The following KIF21A variants were observed in gnomAD, a reference collection of about 807,000 sequenced individuals.
The protein encoded by KIF21A is kinesin-like protein KIF21A.
KIF21A carries 114 observed loss-of-function variants against 202.9 expected under a neutral mutation model. That is an observed-to-expected ratio of 0.56 (90% CI 0.48 to 0.66). The LOEUF is 0.66. KIF21A is among the 30% of genes least tolerant of loss of function. The pLI, the probability that KIF21A is intolerant of heterozygous loss-of-function variation, is 0.00. For missense variants in KIF21A, 1,677 were observed against 1,994.9 expected (o/e 0.84, Z 3.04); for synonymous variants, 667 against 670.8 (o/e 0.99, Z 0.09).
chr12:39,383,963 G>A (rs1186869983), intron 1 of KIF21A, among the ~76,000 whole-genome samples: 3 of 152,154 alleles, frequency 2.0e-5, no homozygotes, highest in Admixed American at 2.0e-4. Flanking sequence ...TCTAGGAGCT[G>A]AGATTCTGCA....
intron 5 of KIF21A, 40 bp from the exon 6 acceptor site, chr12:39,366,557 T>TA (rs1286019276): frequency 1.4e-6 from 2 of 1,396,450 alleles, no homozygotes; most frequent in Admixed American, 3.7e-5. Flanking sequence ...TTTATTAATG[T>TA]AACATTAAAT....
At chr12:39,357,143 A>G in intron 9 of KIF21A, 105 bp downstream of exon 9, 1 of 985,264 alleles carries the variant, frequency 1.0e-6, no homozygotes, top group Non-Finnish European at 1.6e-6. Context: ...GTATACACAG[A>G]GACTGGCATT....
intron 17 of KIF21A, among the ~76,000 whole-genome samples, chr12:39,334,663 A>G (rs906477263): frequency 2.6e-5 from 4 of 152,250 alleles, no homozygotes; most frequent in Non-Finnish European, 5.9e-5. Context: ...TATGGTATAT[A>G]AATGTCACCC....
chr12:39,307,183 A>C (rs898005257), intron 34 of KIF21A, among the ~76,000 whole-genome samples: 3 of 152,142 alleles, frequency 2.0e-5, no homozygotes, highest in African/African-American at 7.2e-5. Flanking sequence ...TAAATTAAAA[A>C]ATTTAAGATA....
chr12:39,303,267 T>C, intron 35 of KIF21A, 132 bp from the exon 36 acceptor site: 1 of 730,224 alleles, frequency 1.4e-6, no homozygotes, highest in Non-Finnish European at 2.3e-6. Context: ...TGTTTCTGGT[T>C]TGTTAAATGT....
At chr12:39,306,077 G>T (rs544685129) in intron 34 of KIF21A, among the ~76,000 whole-genome samples, 71 of 152,284 alleles carry the variant, frequency 4.7e-4, no homozygotes, top group South Asian at 1.2e-3. Context: ...TTGGCAGAGA[G>T]TAACAATGAA....
intron 1 of KIF21A, among the ~76,000 whole-genome samples, chr12:39,405,302 A>G (rs1952495766): frequency 6.6e-6 from 1 of 152,192 alleles, no homozygotes; most frequent in African/African-American, 2.4e-5. Flanking sequence ...CAGTGAGCCA[A>G]GACTGTGCCA....
chr12:39,395,860 GAA>G (rs1179633493), intron 1 of KIF21A, among the ~76,000 whole-genome samples: 10 of 115,464 alleles, frequency 8.7e-5, no homozygotes, highest in African/African-American at 3.9e-4. Flanking sequence ...AAAAAAAAAA[GAA>G]GAAGAAAAAT....
Position 39,304,850 on chromosome 12 carries a change from T to C in KIF21A, c.4531A>G (p.Ile1511Val). 1 of 1,592,526 alleles carries C rather than the reference T, an allele frequency of 6.3e-7. No individual in the cohort carries two copies. Among genetic ancestry groups the C allele is most frequent in the Non-Finnish European group, 8.6e-7 (1 of 1,160,792 alleles). ...DQISSGQDLIITGSKDHYIKM... is the reference protein window; with the variant it reads ...DQISSGQDLIVTGSKDHYIKM... ...ATGTAATGATCCTTGGAGCCAGTGA[T>C]GATTAGATCTTGTCCACTGGAAATC... The change falls in exon 35 of 38, where the codon ATC becomes GTC. Residue 1511 changes from isoleucine to valine, a missense_variant. Around this residue, in one of 3 missense-constraint regions of KIF21A, gnomAD observed 705 missense variants for 791.9 expected, o/e 0.89. Coordinates refer to ENST00000361418, the MANE Select transcript of KIF21A (RefSeq NM_001173464.2).
intron 1 of KIF21A, among the ~76,000 whole-genome samples, chr12:39,371,549 C>T (rs1949956710): frequency 6.6e-6 from 1 of 152,116 alleles, no homozygotes; most frequent in Admixed American, 6.6e-5. Flanking sequence ...GAATATAAAC[C>T]ACTCACTTAC....
chr12:39,369,482 TA>T (rs1949815128), intron 3 of KIF21A, among the ~76,000 whole-genome samples: 1 of 152,126 alleles, frequency 6.6e-6, no homozygotes, highest in Non-Finnish European at 1.5e-5. Context: ...GGGGGGTTCT[TA>T]AATAAACAAT....
chr12:39,360,530 C>A (rs1949131233), intron 7 of KIF21A, among the ~76,000 whole-genome samples: 1 of 152,022 alleles, frequency 6.6e-6, no homozygotes, highest in African/African-American at 2.4e-5. Flanking sequence ...GCTGTGACTA[C>A]AGGTGCCCAC....
At position 39,318,130 on chromosome 12, in the gene KIF21A, A is replaced by C. The variant is rs1245207332; in HGVS notation, c.3851T>G (p.Leu1284Arg). Residue 1284 changes from leucine to arginine, a missense_variant, in exon 29 of 38, where the codon CTG (leucine) becomes CGG (arginine). This residue lies in a region of KIF21A where 705 missense variants were observed against 791.9 expected (regional missense o/e 0.89). Transcript: ENST00000361418. ...SSPPSRPRNE[L>R]NVFNRLTVSQ... ...AACAGTAAGACGATTAAAAACATTCAGTTCATTACGGGGCCGGCTTGGTGG... is the reference window on the plus strand; with the variant it reads ...AACAGTAAGACGATTAAAAACATTCCGTTCATTACGGGGCCGGCTTGGTGG... The C allele has an allele frequency of 4.3e-6, 7 of 1,613,386 alleles. No individual in the cohort carries two copies. Among genetic ancestry groups the C allele is most frequent in the Non-Finnish European group, 5.9e-6 (7 of 1,179,434 alleles).
intron 37 of KIF21A, among the ~76,000 whole-genome samples, chr12:39,295,697 T>G (rs1253627176): frequency 2.9e-5 from 4 of 139,518 alleles, no homozygotes; most frequent in Non-Finnish European, 3.1e-5. Context: ...GATATGTTTT[T>G]TTTTTTTTTT....
intron 1 of KIF21A, among the ~76,000 whole-genome samples, chr12:39,436,486 G>T (rs1592748626): frequency 7.8e-6 from 1 of 128,248 alleles, no homozygotes. Flanking sequence ...TGTTACCCAG[G>T]CTGGAGTGCT....
Position 39,408,663 on chromosome 12 carries a change from A to G in KIF21A, c.44+34264T>C, listed in dbSNP as rs77354558. On this transcript the variant is annotated intron_variant, in intron 1 of 37. Transcript: ENST00000361418. ...TGTTTGGTTAGCTCAAAAACAGATC[A>G]ATAGAAAATATCCAATATGAAGCAC... is the stretch of plus-strand genomic sequence containing the variant. 6.5e-3 allele frequency among the ~76,000 whole-genome samples: 988 copies of G among 152,322 alleles called. 7 individuals are homozygous for G. The highest frequency in any genetic ancestry group is 0.023 in the African/African-American group (935 of 41,554).
At chr12:39,366,246 G>T in intron 6 of KIF21A, 104 bp downstream of exon 6, 3 of 980,592 alleles carry the variant, frequency 3.1e-6, no homozygotes, top group Non-Finnish European at 3.2e-6. Context: ...TTCATTTCTT[G>T]GTTCAGTATC....
chr12:39,334,297 T>C (rs1436865133), intron 17 of KIF21A, among the ~76,000 whole-genome samples: 2 of 152,090 alleles, frequency 1.3e-5, no homozygotes, highest in African/African-American at 4.8e-5. Context: ...ATTTATTCAA[T>C]TCTGTGATCT....
intron 1 of KIF21A, among the ~76,000 whole-genome samples, chr12:39,371,706 A>G (rs7308138): frequency 0.11 from 17,445 of 152,108 alleles, 1,020 homozygotes; most frequent in East Asian, 0.14. Flanking sequence ...TAGGGAGGCC[A>G]ATAGCTTGAG....
Sources: gnomAD v4.1 joint callset for allele counts (sites outside exome capture counted in the v4.1 genomes callset) on GRCh38, gnomAD v4.1.1 for gene constraint, gnomAD v4.1.1 regional missense constraint, MANE v1.5 for transcripts, NCBI Gene and HGNC (gene_info 2026-07-23, HGNC 2026-07-21) for gene names.